The following DRC11 variants were observed in gnomAD, a reference collection of about 807,000 sequenced individuals.
The protein encoded by DRC11 is dynein regulatory complex subunit 11, also known as IQ and AAA domain-containing protein 1.
At chr2:236,459,665 GTATATACGTATATATGTATATACATA>G in the DRC11 span, among the ~76,000 whole-genome samples, 13 of 139,030 alleles carry the variant, frequency 9.4e-5, no homozygotes, top group Admixed American at 2.2e-4. Context: ...ATATACATAC[GTATATACGTATATATGTATATACATA>G]TATACATATA....
the DRC11 span, chr2:236,392,135 G>A: frequency 2.5e-5 from 39 of 1,561,834 alleles, no homozygotes; most frequent in Non-Finnish European, 3.4e-5. The surrounding 1 kb of genome is among the most constrained non-coding windows in gnomAD (Gnocchi z 5.1). Context: ...TGTTTGTGAA[G>A]TTTAAAAATC....
chr2:236,456,407 G>T, the DRC11 span, among the ~76,000 whole-genome samples: 1 of 152,158 alleles, frequency 6.6e-6, no homozygotes, highest in South Asian at 2.1e-4. The surrounding 1 kb of genome is among the most constrained non-coding windows in gnomAD (Gnocchi z 5.4). Context: ...CTCTGCATGT[G>T]TGTGGCATTT....
the DRC11 span, among the ~76,000 whole-genome samples, chr2:236,373,029 T>A: frequency 6.6e-6 from 1 of 152,210 alleles, no homozygotes; most frequent in Non-Finnish European, 1.5e-5. Flanking sequence ...CTTTGAATTC[T>A]TTTAATATCC....
chr2:236,316,531 C>T, the DRC11 span, among the ~76,000 whole-genome samples: 2 of 152,130 alleles, frequency 1.3e-5, no homozygotes, highest in African/African-American at 2.4e-5. This position sits in a 1 kb window ranked among gnomAD's most constrained non-coding sequence, Gnocchi z 6.8. Context: ...CACAACCATG[C>T]ACCTGCAAAC....
At chr2:236,413,274 C>T in the DRC11 span, among the ~76,000 whole-genome samples, 1 of 152,188 alleles carries the variant, frequency 6.6e-6, no homozygotes, top group Admixed American at 6.5e-5. The surrounding 1 kb of genome is among the most constrained non-coding windows in gnomAD (Gnocchi z 4.0). Context: ...TTACAAACAA[C>T]TGCAGGGTGT....
chr2:236,421,494 C>T, the DRC11 span, among the ~76,000 whole-genome samples: 4 of 152,178 alleles, frequency 2.6e-5, no homozygotes, highest in African/African-American at 9.7e-5. Context: ...CATACACCCT[C>T]CCAAGACCAA....
the DRC11 span, chr2:236,419,408 C>T: frequency 5.2e-6 from 7 of 1,347,268 alleles, no homozygotes; most frequent in Non-Finnish European, 6.8e-6. This position sits in a 1 kb window ranked among gnomAD's most constrained non-coding sequence, Gnocchi z 4.8. Context: ...AGGCCGACCC[C>T]TTCTGGGGCA....
chr2:236,381,646 T>G, the DRC11 span, among the ~76,000 whole-genome samples: 368 of 152,320 alleles, frequency 2.4e-3, 3 homozygotes, highest in African/African-American at 8.4e-3. The surrounding 1 kb of genome is among the most constrained non-coding windows in gnomAD (Gnocchi z 5.8). Flanking sequence ...CTACCTCTAG[T>G]TCCCAAGGGG....
the DRC11 span, chr2:236,380,496 C>G: frequency 8.5e-7 from 1 of 1,170,882 alleles, no homozygotes; most frequent in Middle Eastern, 1.9e-4. The surrounding 1 kb of genome is among the most constrained non-coding windows in gnomAD (Gnocchi z 4.9). Flanking sequence ...ACAGAGGGGG[C>G]GTACTCGGGG....
chr2:236,438,565 C>T, the DRC11 span, among the ~76,000 whole-genome samples: 1 of 151,934 alleles, frequency 6.6e-6, no homozygotes. Context: ...TTGATTCTTC[C>T]TACCCATGAG....
chr2:236,351,765 G>A, the DRC11 span, among the ~76,000 whole-genome samples: 16 of 152,044 alleles, frequency 1.1e-4, no homozygotes, highest in Admixed American at 6.5e-4. This position sits in a 1 kb window ranked among gnomAD's most constrained non-coding sequence, Gnocchi z 7.3. Flanking sequence ...CGCAGCGGGG[G>A]ATAGGCAGGG....
At chr2:236,459,531 A>G in the DRC11 span, among the ~76,000 whole-genome samples, 1 of 101,328 alleles carries the variant, frequency 9.9e-6, no homozygotes, top group Non-Finnish European at 2.2e-5. Flanking sequence ...GTATACATGT[A>G]TACGTATACG....
the DRC11 span, among the ~76,000 whole-genome samples, chr2:236,460,720 C>G: frequency 6.6e-6 from 1 of 152,012 alleles, no homozygotes; most frequent in African/African-American, 2.4e-5. The surrounding 1 kb of genome is among the most constrained non-coding windows in gnomAD (Gnocchi z 4.0). Context: ...TGTATCCTTC[C>G]TGAAATTTCC....
chr2:236,465,746 TA>T, the DRC11 span: 1 of 1,333,148 alleles, frequency 7.5e-7, no homozygotes, highest in Non-Finnish European at 1.1e-6. The surrounding 1 kb of genome is among the most constrained non-coding windows in gnomAD (Gnocchi z 6.2). Flanking sequence ...TTTGAGGTCA[TA>T]AAAGTTACAG....
the DRC11 span, among the ~76,000 whole-genome samples, chr2:236,357,540 T>G: frequency 5.5e-5 from 7 of 127,300 alleles, no homozygotes; most frequent in African/African-American, 2.2e-4. Context: ...TGAATATAAT[T>G]TATATATTAT....
At chr2:236,427,828 G>T in the DRC11 span, among the ~76,000 whole-genome samples, 12 of 151,846 alleles carry the variant, frequency 7.9e-5, no homozygotes, top group African/African-American at 2.9e-4. The surrounding 1 kb of genome is among the most constrained non-coding windows in gnomAD (Gnocchi z 5.9). Flanking sequence ...CATAATGTTA[G>T]GTTGTTTGAG....
At chr2:236,449,523 G>A in the DRC11 span, among the ~76,000 whole-genome samples, 381 of 152,328 alleles carry the variant, frequency 2.5e-3, 4 homozygotes, top group African/African-American at 8.6e-3. The surrounding 1 kb of genome is among the most constrained non-coding windows in gnomAD (Gnocchi z 5.1). Flanking sequence ...GTCCGGAGGC[G>A]GGGGCTGGGA....
At chr2:236,380,039 C>T in the DRC11 span, among the ~76,000 whole-genome samples, 1 of 152,262 alleles carries the variant, frequency 6.6e-6, no homozygotes, top group South Asian at 2.1e-4. This position sits in a 1 kb window ranked among gnomAD's most constrained non-coding sequence, Gnocchi z 4.9. Context: ...AACCTACGTA[C>T]TATTTATTTT....
At chr2:236,406,493 A>G in the DRC11 span, among the ~76,000 whole-genome samples, 1 of 152,168 alleles carries the variant, frequency 6.6e-6, no homozygotes. This position sits in a 1 kb window ranked among gnomAD's most constrained non-coding sequence, Gnocchi z 4.7. Flanking sequence ...ATCTGTTCTC[A>G]GCGGCTTTCA....
Sources: gnomAD v4.1 joint callset for allele counts (sites outside exome capture counted in the v4.1 genomes callset) on GRCh38, gnomAD v4.1.1 for gene constraint, Gnocchi (gnomAD v3.1) non-coding constraint, MANE v1.5 for transcripts, NCBI Gene and HGNC (gene_info 2026-07-23, HGNC 2026-07-21) for gene names.